The following AOPEP variants were observed in gnomAD, a reference collection of about 807,000 sequenced individuals.
AOPEP encodes aminopeptidase O.
A neutral mutation model predicts 98.1 loss-of-function variants in AOPEP; 77 were observed. The ratio of observed to expected loss-of-function variants is 0.78; its 90% confidence interval spans 0.65 to 0.95. The LOEUF (loss-of-function observed/expected upper bound fraction) is 0.95, where lower values mean the gene tolerates loss of function less well. Ranked by LOEUF, AOPEP falls within the 40% of genes least tolerant of loss-of-function variation. AOPEP has a pLI of 0.00. For missense variants in AOPEP, 1,024 were observed against 1,024.7 expected (o/e 1.00, Z 0.01); for synonymous variants, 346 against 365.3 (o/e 0.95, Z 0.60).
At chr9:94,841,267 G>A (rs574150559) in intron 5 of AOPEP, among the ~76,000 whole-genome samples, 40 of 151,208 alleles carry the variant, frequency 2.6e-4, no homozygotes, top group Admixed American at 1.1e-3. Flanking sequence ...CCCCTCCTGC[G>A]TTCAAGTAAC....
the AOPEP span, among the ~76,000 whole-genome samples, chr9:95,118,151 C>T: frequency 3.3e-5 from 5 of 151,848 alleles, no homozygotes; most frequent in East Asian, 3.9e-4. Context: ...CCTGAGTAGC[C>T]GGGATTACAG....
At chr9:94,807,880 T>C (rs956029038) in intron 5 of AOPEP, among the ~76,000 whole-genome samples, 4 of 152,178 alleles carry the variant, frequency 2.6e-5, no homozygotes, top group African/African-American at 9.7e-5. Context: ...AAGTACAATG[T>C]GTGAACAGCT....
intron 1 of AOPEP, among the ~76,000 whole-genome samples, chr9:94,750,756 C>CTTTTTTTTTTTTTTTTT (rs536762614): frequency 7.6e-6 from 1 of 130,916 alleles, no homozygotes; most frequent in Non-Finnish European, 1.6e-5. Flanking sequence ...TCTTTTCTTT[C>CTTTTTTTTTTTTTTTTT]TTTTTTTTTT....
intron 5 of AOPEP, among the ~76,000 whole-genome samples, chr9:94,890,047 C>T (rs1263425269): frequency 7.0e-6 from 1 of 143,632 alleles, no homozygotes; most frequent in Admixed American, 7.0e-5. Context: ...TTTTTTGATA[C>T]AGAGTCTCAC....
chr9:94,967,710 G>T (rs1207823068), intron 9 of AOPEP, 48 bp from the exon 10 acceptor site: 1 of 1,534,128 alleles, frequency 6.5e-7, no homozygotes, highest in Non-Finnish European at 9.0e-7. Context: ...TCCAGGCAGA[G>T]TTATTTATTG....
At chr9:95,107,387 A>G in the AOPEP span, 2 of 1,100,310 alleles carry the variant, frequency 1.8e-6, no homozygotes, top group Non-Finnish European at 2.7e-6. Context: ...GGCCCCTGAG[A>G]GAGGGAGCTA....
chr9:94,855,804 G>C (rs2135301206), intron 5 of AOPEP, among the ~76,000 whole-genome samples: 1 of 152,296 alleles, frequency 6.6e-6, no homozygotes, highest in East Asian at 1.9e-4. Context: ...TGATGACCTA[G>C]AAATAGAGAA....
In AOPEP at chr9:94,800,758, C is replaced by T. The variant is rs1302072892; in HGVS notation, c.1120C>T (p.His374Tyr). The change falls in exon 5 of 17, where the codon CAT (histidine) becomes TAT (tyrosine). Residue 374 changes from histidine (H) to tyrosine (Y), a missense_variant and splice_region_variant. Around this residue, in one of 3 missense-constraint regions of AOPEP, gnomAD observed 18 missense variants for 39.1 expected, o/e 0.46. Transcript: ENST00000375315. ...CCATTTATTTTGTGTTATTCCCAGG[C>T]ATGTTGGTGTTTGCAGTCACATGGA... The part of the protein sequence containing the change: ...PFSPSEANFR[H>Y]VGVCSHMEYP... 6.2e-7 allele frequency: 1 copy of T among 1,613,760 alleles called. No homozygotes were observed. Among genetic ancestry groups the T allele is most frequent in the Non-Finnish European group, 8.5e-7 (1 of 1,179,782 alleles).
At chr9:95,046,148 G>A (rs1029357622) in intron 13 of AOPEP, among the ~76,000 whole-genome samples, 32 of 152,154 alleles carry the variant, frequency 2.1e-4, no homozygotes, top group African/African-American at 6.0e-4. Flanking sequence ...AAATAGTGTC[G>A]GAATCATTTG....
At chr9:94,925,432 T>C (rs571892641) in intron 6 of AOPEP, among the ~76,000 whole-genome samples, 19 of 152,266 alleles carry the variant, frequency 1.2e-4, no homozygotes, top group Non-Finnish European at 2.6e-4. Context: ...TGAAATCTTA[T>C]TTATTTTTCA....
intron 5 of AOPEP, among the ~76,000 whole-genome samples, chr9:94,840,746 T>C (rs1056027342): frequency 1.3e-5 from 2 of 152,204 alleles, no homozygotes; most frequent in Non-Finnish European, 2.9e-5. Flanking sequence ...TTCATGCATT[T>C]TTTTTTTAAT....
At chr9:95,060,476 C>T (rs2067229915) in intron 13 of AOPEP, among the ~76,000 whole-genome samples, 1 of 152,182 alleles carries the variant, frequency 6.6e-6, no homozygotes, top group South Asian at 2.1e-4. Flanking sequence ...TCATGGAAAA[C>T]GGGGCCAAAG....
At chr9:94,926,216 G>A (rs2054295933) in intron 6 of AOPEP, among the ~76,000 whole-genome samples, 1 of 152,172 alleles carries the variant, frequency 6.6e-6, no homozygotes, top group African/African-American at 2.4e-5. Flanking sequence ...TCCTTAGTCT[G>A]CTGGCTTGGT....
intron 14 of AOPEP, among the ~76,000 whole-genome samples, chr9:95,077,347 C>G (rs1451057142): frequency 6.6e-6 from 1 of 152,202 alleles, no homozygotes; most frequent in Non-Finnish European, 1.5e-5. Flanking sequence ...CAAACTCCTT[C>G]CTAATCGTGC....
rs2070168582 is a variant in AOPEP, at chr9:95,083,592, C to T, written c.*4+873C>T. ...GCGCATGCACAACACAGAGCACACA[C>T]AGCACATGCACCACACGTAGCGCGC... is the stretch of plus-strand genomic sequence containing the variant. On this transcript the variant is annotated intron_variant, in intron 16 of 16. Coordinates refer to ENST00000375315, the MANE Select transcript of AOPEP (RefSeq NM_001193329.3). Among the ~76,000 whole-genome samples, 3 of 151,540 alleles carry T rather than the reference C, an allele frequency of 2.0e-5. No individual in the cohort carries two copies. In the South Asian group the frequency reaches 6.3e-4, roughly 32 times the overall value.
At chr9:95,114,448 G>C in the AOPEP span, 3 of 702,048 alleles carry the variant, frequency 4.3e-6, no homozygotes, top group African/African-American at 5.2e-5. Flanking sequence ...ATCCTGACCT[G>C]CTCCAAGCCA....
chr9:94,779,130 C>T (rs1422560274), intron 3 of AOPEP, among the ~76,000 whole-genome samples: 1 of 152,146 alleles, frequency 6.6e-6, no homozygotes, highest in Non-Finnish European at 1.5e-5. Context: ...GCTTCTTTAT[C>T]TGGGCTCTAG....
At chr9:95,126,554 A>G in the AOPEP span, 9 of 1,613,918 alleles carry the variant, frequency 5.6e-6, no homozygotes, top group Non-Finnish European at 8.5e-7. Flanking sequence ...ACAACCCGGA[A>G]TATGGCAGGG....
chr9:95,000,725 T>C (rs1274546923), intron 11 of AOPEP, among the ~76,000 whole-genome samples: 1 of 152,118 alleles, frequency 6.6e-6, no homozygotes, highest in Non-Finnish European at 1.5e-5. Context: ...AATAAATAAA[T>C]AAACCAAATT....
Sources: gnomAD v4.1 joint callset for allele counts (sites outside exome capture counted in the v4.1 genomes callset) on GRCh38, gnomAD v4.1.1 for gene constraint, gnomAD v4.1.1 regional missense constraint, MANE v1.5 for transcripts, NCBI Gene and HGNC (gene_info 2026-07-23, HGNC 2026-07-21) for gene names.